OSBPL6: variants seen among roughly 807,000 people sequenced by gnomAD.
The protein encoded by OSBPL6 is oxysterol binding protein like 6.
In OSBPL6, 49 loss-of-function variants were observed where a neutral mutation model predicts 125.8. The observed-to-expected ratio is 0.39, with a 90% CI of 0.31 to 0.49. OSBPL6 has a LOEUF of 0.49. OSBPL6 is among the 20% of genes least tolerant of loss of function. OSBPL6 has a pLI of 0.88. For missense variants in OSBPL6, 986 were observed against 1,135.4 expected (o/e 0.87, Z 1.89); for synonymous variants, 394 against 391.8 (o/e 1.01, Z -0.07).
At chr2:178,346,076 GATCT>G (rs139376167) in intron 11 of OSBPL6, among the ~76,000 whole-genome samples, 5,333 of 152,228 alleles carry the variant, frequency 0.035, 258 homozygotes, top group East Asian at 0.22. Flanking sequence ...GCTACTCCAG[GATCT>G]ATAGCTTTGT....
chr2:178,394,234 A>C, intron 23 of OSBPL6, 79 bp from the exon 24 acceptor site: 1 of 1,548,306 alleles, frequency 6.5e-7, no homozygotes, highest in South Asian at 1.2e-5. Flanking sequence ...GCAATTAGAA[A>C]ACAATTTTGT....
Position 178,332,501 on chromosome 2 carries a change from T to C in OSBPL6, c.373-140T>C, listed in dbSNP as rs2154077806. 6.3e-6 allele frequency: 4 copies of C among 631,038 alleles called. No individual in the cohort carries two copies. The South Asian group carries it at 8.6e-5, about 14-fold the overall frequency. The allele number at this position is 631,038 out of a possible 1,614,324, so 39.1% of individuals were successfully genotyped here. A position where few individuals can be genotyped will look rare whatever the true frequency, so the allele number is the denominator to read the frequency against. On this transcript the variant is annotated intron_variant, in intron 6 of 24. Transcript: ENST00000190611. ...AACCTAATCCATAGAACCTTAACTA[T>C]TTTCTGTTTGTTAAGGAGGTATATG...
At chr2:178,296,641 G>C (rs115500571) in intron 2 of OSBPL6, among the ~76,000 whole-genome samples, 2 of 152,148 alleles carry the variant, frequency 1.3e-5, no homozygotes, top group African/African-American at 2.4e-5. Context: ...GGTCCCAGGG[G>C]AATGTCTTTG....
At chr2:178,258,686 G>C (rs756938751) in intron 1 of OSBPL6, among the ~76,000 whole-genome samples, 37 of 151,756 alleles carry the variant, frequency 2.4e-4, no homozygotes, top group Non-Finnish European at 4.4e-4. Flanking sequence ...TGATAGTTCT[G>C]TCTCTCCAAA....
At chr2:178,361,571 A>T in intron 12 of OSBPL6, 111 bp from the exon 13 acceptor site, 1 of 1,311,164 alleles carries the variant, frequency 7.6e-7, no homozygotes, top group Non-Finnish European at 1.1e-6. Flanking sequence ...ACTATTACAT[A>T]GCCTTTCCAA....
In OSBPL6 at chr2:178,336,339, A is replaced by G; in HGVS notation, c.696A>G (p.Pro232=). ...GCTTTCCGTGGCAGTCCCCTTTACC[A>G]TGCAGCAATAGCCTCCCTGCAACGT... is the stretch of plus-strand genomic sequence containing the variant. The part of the protein sequence containing the change: ...PNSFPWQSPL[P]CSNSLPATCT... Residue 232 remains proline (P), a synonymous_variant, in exon 9 of 25, where the codon CCA becomes CCG. Coordinates refer to ENST00000190611, the MANE Select transcript of OSBPL6 (RefSeq NM_032523.4). 5 of 1,614,048 alleles carry G rather than the reference A, an allele frequency of 3.1e-6. No individual in the cohort carries two copies. Among genetic ancestry groups the G allele is most frequent in the Non-Finnish European group, 4.2e-6 (5 of 1,179,992 alleles).
chr2:178,396,071 C>G lies in OSBPL6; in HGVS notation c.*512C>G, dbSNP rs1453463982. On this transcript the variant is annotated 3_prime_UTR_variant, in exon 25 of 25. Coordinates refer to ENST00000190611, the MANE Select transcript of OSBPL6 (RefSeq NM_032523.4). ...TGGCCTTGTCGAAAAAGATGTGATG[C>G]TTCTCAGAACCTGTTCCATCTGTAT... 4.5e-6 allele frequency: 1 copy of G among 223,228 alleles called. No homozygotes were observed. Among genetic ancestry groups the G allele is most frequent in the African/African-American group, 2.3e-5 (1 of 44,014 alleles). The allele number at this position is 223,228 out of a possible 1,614,324, so 13.8% of individuals were successfully genotyped here.
intron 3 of OSBPL6, among the ~76,000 whole-genome samples, chr2:178,309,465 C>A (rs551563206): frequency 1.3e-5 from 2 of 152,226 alleles, no homozygotes; most frequent in Non-Finnish European, 2.9e-5. Flanking sequence ...TTCTTCCTTC[C>A]TCATGGATAA....
chr2:178,194,508 C>A (rs1352848370), upstream of OSBPL6: 1 of 151,948 alleles, frequency 6.6e-6, no homozygotes, highest in Non-Finnish European at 1.5e-5. Flanking sequence ...TCGCCGCCGC[C>A]GCTGTCGGTG....
intron 19 of OSBPL6, among the ~76,000 whole-genome samples, chr2:178,385,935 C>G (rs1404774892): frequency 6.6e-6 from 1 of 152,190 alleles, no homozygotes; most frequent in Non-Finnish European, 1.5e-5. Context: ...AATAGATATG[C>G]AAACATTACA....
chr2:178,229,381 C>T (rs2090716597), intron 1 of OSBPL6, among the ~76,000 whole-genome samples: 1 of 152,090 alleles, frequency 6.6e-6, no homozygotes, highest in Non-Finnish European at 1.5e-5. Context: ...CCCTAGTCTC[C>T]CTACCCGCCT....
intron 4 of OSBPL6, among the ~76,000 whole-genome samples, chr2:178,325,937 G>C (rs1409829332): frequency 6.6e-6 from 1 of 152,042 alleles, no homozygotes; most frequent in East Asian, 1.9e-4. Context: ...TGCCCACTTA[G>C]ATCTTGCTGT....
chr2:178,295,992 A>G (rs536298319), intron 2 of OSBPL6, among the ~76,000 whole-genome samples: 1 of 152,162 alleles, frequency 6.6e-6, no homozygotes, highest in African/African-American at 2.4e-5. Flanking sequence ...CAATTCCTTT[A>G]TTTTTGGGGC....
intron 1 of OSBPL6, among the ~76,000 whole-genome samples, chr2:178,210,129 C>T (rs1233133371): frequency 2.1e-5 from 3 of 144,120 alleles, no homozygotes; most frequent in Non-Finnish European, 3.1e-5. Flanking sequence ...AAGAGATTCT[C>T]CTGCCTCAGC....
intron 12 of OSBPL6, among the ~76,000 whole-genome samples, chr2:178,353,796 T>C (rs965399646): frequency 1.3e-5 from 2 of 152,136 alleles, no homozygotes; most frequent in Non-Finnish European, 1.5e-5. Flanking sequence ...AATTGTCAGA[T>C]TCACCAAAGT....
chr2:178,388,280 T>G (rs1457430270), intron 20 of OSBPL6, among the ~76,000 whole-genome samples: 1 of 152,186 alleles, frequency 6.6e-6, no homozygotes, highest in Non-Finnish European at 1.5e-5. Context: ...GAAGAATTAT[T>G]CACATCTGAG....
chr2:178,251,467 A>G (rs2154002974), intron 1 of OSBPL6, among the ~76,000 whole-genome samples: 1 of 151,450 alleles, frequency 6.6e-6, no homozygotes, highest in East Asian at 1.9e-4. Context: ...TCTGCTTGCA[A>G]GGGGTTTCCA....
In OSBPL6 at chr2:178,383,135, A is replaced by G; in HGVS notation, c.1733A>G (p.Asn578Ser). Residue 578 changes from asparagine to serine, a missense_variant, in exon 17 of 25, where the codon AAC becomes AGC. This residue lies in a region of OSBPL6 where 843 missense variants were observed against 997.3 expected (regional missense o/e 0.85). Coordinates refer to ENST00000190611, the MANE Select transcript of OSBPL6 (RefSeq NM_032523.4). ...NINLWNILRNNIGKDLSKVSM... is the reference protein window; with the variant it reads ...NINLWNILRNSIGKDLSKVSM... ...AACCTGTGGAATATCTTGAGGAACA[A>G]CATTGGTAAAGACCTGTCTAAAGTC... is the stretch of plus-strand genomic sequence containing the variant. 3 of 1,614,186 alleles carry G rather than the reference A, an allele frequency of 1.9e-6. No individual in the cohort carries two copies. Among genetic ancestry groups the G allele is most frequent in the Non-Finnish European group, 2.5e-6 (3 of 1,180,042 alleles).
At chr2:178,305,720 A>G (rs1481896550) in intron 2 of OSBPL6, among the ~76,000 whole-genome samples, 3 of 152,188 alleles carry the variant, frequency 2.0e-5, no homozygotes, top group African/African-American at 7.2e-5. Flanking sequence ...TCCGGAGGAG[A>G]ATCTGGCGTC....
Sources: gnomAD v4.1 joint callset for allele counts (sites outside exome capture counted in the v4.1 genomes callset) on GRCh38, gnomAD v4.1.1 for gene constraint, gnomAD v4.1.1 regional missense constraint, MANE v1.5 for transcripts, NCBI Gene and HGNC (gene_info 2026-07-23, HGNC 2026-07-21) for gene names.